The following ZEB2 variants were observed in gnomAD, a reference collection of about 807,000 sequenced individuals.
ZEB2 encodes zinc finger E-box binding homeobox 2.
ZEB2 carries 6 observed loss-of-function variants against 99.9 expected under a neutral mutation model. That is an observed-to-expected ratio of 0.06 (90% CI 0.03 to 0.12). ZEB2 has a LOEUF of 0.12. Among genes scored for constraint, ZEB2 ranks in the 10% least tolerant of loss-of-function variants. The pLI is 1.00. For missense variants in ZEB2, 969 were observed against 1,502.8 expected, an observed-to-expected ratio of 0.64 and a Z score of 5.87; for synonymous variants, 517 against 542.5, an observed-to-expected ratio of 0.95 and a Z score of 0.65.
intron 2 of ZEB2, among the ~76,000 whole-genome samples, chr2:144,456,301 C>G (rs1339990756): frequency 1.3e-5 from 2 of 152,096 alleles, no homozygotes; most frequent in East Asian, 3.9e-4. Flanking sequence ...AGGAAAACAA[C>G]CATTTAAAAT....
intron 4 of ZEB2, among the ~76,000 whole-genome samples, chr2:144,423,429 T>C (rs975434728): frequency 6.6e-6 from 1 of 152,246 alleles, no homozygotes; most frequent in Admixed American, 6.5e-5. Context: ...ATCTTGTTTC[T>C]ATTTTTACAT....
At chr2:144,471,257 A>G (rs1220764679) in intron 2 of ZEB2, among the ~76,000 whole-genome samples, 1 of 152,180 alleles carries the variant, frequency 6.6e-6, no homozygotes, top group Non-Finnish European at 1.5e-5. Flanking sequence ...AAAAGCTGAC[A>G]ATAAGTAAAA....
chr2:144,466,301 T>G (rs552466298), intron 2 of ZEB2, among the ~76,000 whole-genome samples: 4 of 152,154 alleles, frequency 2.6e-5, no homozygotes, highest in African/African-American at 9.6e-5. Flanking sequence ...AACGTCAGAG[T>G]TTCTTTTTGT....
rs544983083 is a variant in ZEB2 at position 144,515,538 on chromosome 2, G to A, written c.73+1740C>T. 1.6e-4 allele frequency among the ~76,000 whole-genome samples: 24 copies of A among 151,664 alleles called. No individual in the cohort carries two copies. The South Asian group carries it at 4.8e-3, about 30-fold the overall frequency. ...ATTAAGAGAGAGAGAGAGGGAGAAAGAGAGAGGGAGAGACTTAAAAAGAAG... is the reference window on the plus strand; with the variant it reads ...ATTAAGAGAGAGAGAGAGGGAGAAAAAGAGAGGGAGAGACTTAAAAAGAAG... On this transcript the variant is annotated intron_variant, in intron 2 of 9. Coordinates refer to ENST00000627532, the MANE Select transcript of ZEB2 (RefSeq NM_014795.4).
intron 2 of ZEB2, among the ~76,000 whole-genome samples, chr2:144,436,869 T>C (rs1165017101): frequency 6.6e-6 from 1 of 152,176 alleles, no homozygotes; most frequent in Non-Finnish European, 1.5e-5. Context: ...TAACAGTAAA[T>C]TCACTTTCTT....
chr2:144,455,438 T>A (rs914312887), intron 2 of ZEB2, among the ~76,000 whole-genome samples: 1 of 152,148 alleles, frequency 6.6e-6, no homozygotes, highest in Non-Finnish European at 1.5e-5. Flanking sequence ...TGCTACTTCA[T>A]TGAAAGAAAA....
At chr2:144,511,426 T>C (rs1412840245) in intron 2 of ZEB2, 2 of 1,239,298 alleles carry the variant, frequency 1.6e-6, no homozygotes, top group Non-Finnish European at 1.0e-6. Flanking sequence ...TAACTACTAG[T>C]TACACTTTTC....
intron 2 of ZEB2, among the ~76,000 whole-genome samples, chr2:144,507,909 C>A (rs1704972834): frequency 6.6e-6 from 1 of 152,138 alleles, no homozygotes; most frequent in Non-Finnish European, 1.5e-5. Flanking sequence ...AAATTTTGGT[C>A]TTTGATTTAT....
rs1703107089 is a variant in ZEB2, at chr2:144,387,959, T to G, written c.*1492A>C. On this transcript the variant is annotated 3_prime_UTR_variant, in exon 10 of 10. Transcript: ENST00000627532. ...TATTATAAGCATAAAGCATGTTACA[T>G]GTTAATGGTCATTGAAGGAAAACTC... 2.0e-5 allele frequency: 3 copies of G among 152,628 alleles called. No individual in the cohort carries two copies. The highest frequency in any genetic ancestry group is 2.0e-4 in the Admixed American group (3 of 15,292). 9.5% of individuals were successfully genotyped at this position (152,628 alleles called of 1,614,324 possible). A position where few individuals can be genotyped will look rare whatever the true frequency, so the allele number is the denominator to read the frequency against.
chr2:144,411,702 C>G (rs1703467236), intron 4 of ZEB2, among the ~76,000 whole-genome samples: 1 of 152,184 alleles, frequency 6.6e-6, no homozygotes, highest in African/African-American at 2.4e-5. Context: ...CTTGGCCGCT[C>G]TCTCCACCCC....
chr2:144,458,534 A>T (rs554600847), intron 2 of ZEB2, among the ~76,000 whole-genome samples: 18 of 152,270 alleles, frequency 1.2e-4, no homozygotes, highest in African/African-American at 3.1e-4. Flanking sequence ...TTGGAATTTT[A>T]AAAAAATTAC....
chr2:144,389,083 T>C lies in ZEB2; in HGVS notation c.*368A>G. 2.0e-6 allele frequency: 1 copy of C among 501,320 alleles called. No homozygotes were observed. Among genetic ancestry groups the C allele is most frequent in the Non-Finnish European group, 3.5e-6 (1 of 286,202 alleles). 31.1% of individuals were successfully genotyped at this position (501,320 alleles called of 1,614,324 possible). A position where few individuals can be genotyped will look rare whatever the true frequency, so the allele number is the denominator to read the frequency against. ...TGATGTATGGTAGTGCGGGCACCTT[T>C]TTAAAATGTATTAATATAAATTAGA... is the stretch of plus-strand genomic sequence containing the variant. On this transcript the variant is annotated 3_prime_UTR_variant, in exon 10 of 10. Transcript: ENST00000627532. The surrounding 1 kb of genome is among the most constrained non-coding windows in gnomAD (Gnocchi z 6.8).
In ZEB2 at chr2:144,398,649, A is replaced by G; in HGVS notation, c.2538T>C (p.His846=). The G allele has an allele frequency of 6.2e-7, 1 of 1,614,124 alleles. No homozygotes were observed. The stretch of plus-strand genomic sequence containing the variant: ...TTTCAGATGAGGAAGAAACACTGTT[A>G]TGATCTAAACTGATGCTACTAGCTT... ...KTKASSISLD[H]NSVSSSSENS... Residue 846 remains histidine, a synonymous_variant, in exon 8 of 10, where the codon CAT becomes CAC. Transcript: ENST00000627532.
intron 2 of ZEB2, among the ~76,000 whole-genome samples, chr2:144,447,553 C>G (rs1704002081): frequency 6.6e-6 from 1 of 152,134 alleles, no homozygotes; most frequent in Non-Finnish European, 1.5e-5. Flanking sequence ...GAAAACAACA[C>G]ATTTTCTCAC....
At chr2:144,519,506 A>G (rs1319293785) in intron 1 of ZEB2, 2 of 159,066 alleles carry the variant, frequency 1.3e-5, no homozygotes, top group East Asian at 1.8e-4. Context: ...TGTAATTATT[A>G]ACAGGTATTT....
intron 4 of ZEB2, among the ~76,000 whole-genome samples, chr2:144,412,625 C>T (rs897799398): frequency 1.3e-5 from 2 of 152,158 alleles, no homozygotes; most frequent in African/African-American, 4.8e-5. Flanking sequence ...GACCCTTGTC[C>T]AATTTAAGAA....
chr2:144,402,306 A>G (rs1048417740), intron 6 of ZEB2, among the ~76,000 whole-genome samples: 1 of 152,128 alleles, frequency 6.6e-6, no homozygotes, highest in South Asian at 2.1e-4. Context: ...CAGCACAGAA[A>G]CGGTATGACA....
Position 144,398,819 on chromosome 2 carries a change from A to T in ZEB2, c.2368T>A (p.Ser790Thr), listed in dbSNP as rs763645204. 1 of 1,614,056 alleles carries T rather than the reference A, an allele frequency of 6.2e-7. No homozygotes were observed. The highest frequency in any genetic ancestry group is 8.5e-7 in the Non-Finnish European group (1 of 1,180,008). ...CTGTGGGAGTTTTTAGAAGATGTGGAGGAAAGATTTAAGGGAGAAGGAGTA... is the reference window on the plus strand; with the variant it reads ...CTGTGGGAGTTTTTAGAAGATGTGGTGGAAAGATTTAAGGGAGAAGGAGTA... ...SNTPSPLNLS[S>T]TSSKNSHSSS... Residue 790 changes from serine to threonine, a missense_variant, in exon 8 of 10, where the codon TCC becomes ACC. By Grantham distance (58) the Ser-to-Thr change is moderately conservative. Around this residue, in one of 8 missense-constraint regions of ZEB2, gnomAD observed 346 missense variants for 460.0 expected, o/e 0.75. Coordinates refer to ENST00000627532, the MANE Select transcript of ZEB2 (RefSeq NM_014795.4).
chr2:144,510,237 A>G (rs990256933), intron 2 of ZEB2, among the ~76,000 whole-genome samples: 10 of 151,358 alleles, frequency 6.6e-5, no homozygotes, highest in Non-Finnish European at 1.2e-4. Flanking sequence ...AGTCAGGGGG[A>G]AAAATGGGAA....
Sources: gnomAD v4.1 joint callset for allele counts (sites outside exome capture counted in the v4.1 genomes callset) on GRCh38, gnomAD v4.1.1 for gene constraint, gnomAD v4.1.1 regional missense constraint, Gnocchi (gnomAD v3.1) non-coding constraint, MANE v1.5 for transcripts, NCBI Gene and HGNC (gene_info 2026-07-23, HGNC 2026-07-21) for gene names.